The following NELL1 variants were observed in gnomAD, a reference collection of about 807,000 sequenced individuals.
The protein encoded by NELL1 is protein kinase C-binding protein NELL1.
A neutral mutation model predicts 107.4 loss-of-function variants in NELL1; 76 were observed. The observed-to-expected ratio is 0.71, with a 90% CI of 0.59 to 0.86. The LOEUF (loss-of-function observed/expected upper bound fraction) is 0.86, where lower values mean the gene tolerates loss of function less well. Among genes scored for constraint, NELL1 ranks in the 40% least tolerant of loss-of-function variants. NELL1 has a pLI of 0.00. For missense variants in NELL1, 1,024 were observed against 1,005.5 expected (o/e 1.02, Z -0.25); for synonymous variants, 353 against 341.2 (o/e 1.03, Z -0.38).
chr11:21,522,487 C>G (rs1855751333), intron 15 of NELL1, among the ~76,000 whole-genome samples: 1 of 152,130 alleles, frequency 6.6e-6, no homozygotes, highest in Admixed American at 6.5e-5. Flanking sequence ...CACATGTTCT[C>G]ACTTGTAAGT....
At chr11:21,422,695 A>G (rs1300457210) in intron 15 of NELL1, among the ~76,000 whole-genome samples, 1 of 152,200 alleles carries the variant, frequency 6.6e-6, no homozygotes, top group Non-Finnish European at 1.5e-5. Flanking sequence ...ATACACAAAA[A>G]GAAATAAGAA....
chr11:20,935,921 A>C (rs1850715207), intron 9 of NELL1: 1 of 152,570 alleles, frequency 6.6e-6, no homozygotes, highest in South Asian at 2.1e-4. Flanking sequence ...ATGGATACCC[A>C]TGCCATTGCC....
chr11:20,738,547 A>G lies in NELL1; in HGVS notation c.185-45133A>G, dbSNP rs570483214. Among the ~76,000 whole-genome samples, 13 of 152,268 alleles carry G rather than the reference A, an allele frequency of 8.5e-5. No homozygotes were observed. The East Asian group carries it at 2.5e-3, about 29-fold the overall frequency. On this transcript the variant is annotated intron_variant, in intron 2 of 19. Transcript: ENST00000357134. Reference sequence around the variant, plus strand: ...GTTTGTGTTCACGTTAGAAAATTTGATGTTTTCAAAAAGACTTTTTCTTTC... The same window carrying G: ...GTTTGTGTTCACGTTAGAAAATTTGGTGTTTTCAAAAAGACTTTTTCTTTC...
At chr11:20,749,498 G>C (rs1057079473) in intron 2 of NELL1, among the ~76,000 whole-genome samples, 1 of 152,060 alleles carries the variant, frequency 6.6e-6, no homozygotes, top group African/African-American at 2.4e-5. Flanking sequence ...CTACTTGGGA[G>C]GCTGAGGTAG....
chr11:21,546,288 A>C (rs542795757), intron 16 of NELL1, among the ~76,000 whole-genome samples: 1 of 152,002 alleles, frequency 6.6e-6, no homozygotes, highest in African/African-American at 2.4e-5. Flanking sequence ...ATTGAATTCC[A>C]TGTAGTTTCA....
rs937606790 is a variant in NELL1, at chr11:20,899,606, A to T, written c.603+14066A>T. Among the ~76,000 whole-genome samples, 5 of 152,298 alleles carry T rather than the reference A, an allele frequency of 3.3e-5. No individual in the cohort carries two copies. In the East Asian group the frequency reaches 9.6e-4, roughly 29 times the overall value. ...ATACAAAGAAAGTAAAAGGAATGAAATAGTAAGCATGAAATCGTAAGAACA... is the reference window on the plus strand; with the variant it reads ...ATACAAAGAAAGTAAAAGGAATGAATTAGTAAGCATGAAATCGTAAGAACA... On this transcript the variant is annotated intron_variant, in intron 5 of 19. Transcript: ENST00000357134.
intron 2 of NELL1, among the ~76,000 whole-genome samples, chr11:20,711,229 A>C (rs1181786988): frequency 6.6e-6 from 1 of 152,034 alleles, no homozygotes; most frequent in African/African-American, 2.4e-5. Flanking sequence ...TTGTGTCCCT[A>C]TTATGAGCTT....
rs529038466 is a variant in NELL1 at position 21,465,034 on chromosome 11, A to G, written c.1646-69340A>G. On this transcript the variant is annotated intron_variant, in intron 15 of 19. Transcript: ENST00000357134. ...ATCTTGTATACCCAATGCCTAGTAG[A>G]GAGTCTGATACAATGAGGCTCCCAG... is the stretch of plus-strand genomic sequence containing the variant. Among the ~76,000 whole-genome samples the G allele has an allele frequency of 3.3e-5, 5 of 152,218 alleles. 1 individual carries two copies. The South Asian group carries it at 1.0e-3, about 32-fold the overall frequency.
At chr11:21,169,682 A>G in intron 13 of NELL1, 2 of 583,428 alleles carry the variant, frequency 3.4e-6, no homozygotes, top group South Asian at 4.4e-5. Flanking sequence ...TATGTACCTA[A>G]TGGGACTGTA....
intron 16 of NELL1, among the ~76,000 whole-genome samples, chr11:21,538,161 T>G (rs1341737746): frequency 1.3e-5 from 2 of 152,178 alleles, no homozygotes; most frequent in Non-Finnish European, 2.9e-5. Flanking sequence ...CAGCTATGTT[T>G]TTTTCTTCAG....
In NELL1 at chr11:21,165,865, C is replaced by A. The variant is rs368286536; in HGVS notation, c.1426+52151C>A. 8.1e-5 allele frequency among the ~76,000 whole-genome samples: 12 copies of A among 148,168 alleles called. No homozygotes were observed. The East Asian group carries it at 2.0e-3, about 25-fold the overall frequency. On this transcript the variant is annotated intron_variant, in intron 13 of 19. Coordinates refer to ENST00000357134, the MANE Select transcript of NELL1 (RefSeq NM_006157.5). ...GCAACCTCTGCCTCCTGGGTTCAAG[C>A]AATTCTCCTGCCTCAGCCTCCCGAG... is the stretch of plus-strand genomic sequence containing the variant.
intron 14 of NELL1, among the ~76,000 whole-genome samples, chr11:21,274,812 C>T (rs1259440348): frequency 2.0e-5 from 3 of 151,964 alleles, no homozygotes; most frequent in Admixed American, 6.6e-5. Flanking sequence ...GGGTACGTAA[C>T]GAAATGAAGG....
chr11:20,892,740 C>A (rs937461813), intron 5 of NELL1, among the ~76,000 whole-genome samples: 10 of 152,136 alleles, frequency 6.6e-5, no homozygotes, highest in African/African-American at 2.2e-4. Context: ...ACCAGCCTGA[C>A]CAACATGGTG....
intron 15 of NELL1, among the ~76,000 whole-genome samples, chr11:21,408,432 C>T (rs1307566422): frequency 1.3e-5 from 2 of 151,992 alleles, no homozygotes; most frequent in Non-Finnish European, 2.9e-5. Flanking sequence ...AAAAGGAGGC[C>T]AATTGCTTTA....
intron 2 of NELL1, among the ~76,000 whole-genome samples, chr11:20,696,623 T>A (rs1854624525): frequency 6.6e-6 from 1 of 151,720 alleles, no homozygotes; most frequent in Non-Finnish European, 1.5e-5. Flanking sequence ...TTGTAAGGAG[T>A]GGACTTATGT....
At chr11:21,328,349 G>A (rs1355444357) in intron 14 of NELL1, among the ~76,000 whole-genome samples, 1 of 152,154 alleles carries the variant, frequency 6.6e-6, no homozygotes, top group Non-Finnish European at 1.5e-5. Flanking sequence ...CTTACACGTG[G>A]TGTTGAGCCT....
At chr11:20,669,563 C>G (rs1008531986), upstream of NELL1, 52 of 376,180 alleles carry the variant, frequency 1.4e-4, no homozygotes, top group Non-Finnish European at 2.1e-4. This position sits in a 1 kb window ranked among gnomAD's most constrained non-coding sequence, Gnocchi z 4.4. Context: ...GGCTGCCTTC[C>G]CGGGCGCATA....
intron 13 of NELL1, among the ~76,000 whole-genome samples, chr11:21,151,477 T>A (rs1413554774): frequency 6.6e-6 from 1 of 152,130 alleles, no homozygotes; most frequent in African/African-American, 2.4e-5. Context: ...ATGGTGCGCG[T>A]GGTGACGTGT....
intron 2 of NELL1, among the ~76,000 whole-genome samples, chr11:20,760,310 T>C (rs1439004995): frequency 6.6e-6 from 1 of 152,238 alleles, no homozygotes; most frequent in African/African-American, 2.4e-5. Context: ...CAAGTGTGTT[T>C]AACTCATCCT....
Sources: allele counts gnomAD v4.1 joint callset (sites outside exome capture counted in the v4.1 genomes callset), GRCh38; gene constraint gnomAD v4.1.1; non-coding constraint Gnocchi (gnomAD v3.1); transcripts MANE v1.5; gene names NCBI Gene and HGNC (gene_info 2026-07-23, HGNC 2026-07-21).